NRXN1: variants seen among roughly 807,000 people sequenced by gnomAD.
The protein encoded by NRXN1 is neurexin-1.
A neutral mutation model predicts 150.9 loss-of-function variants in NRXN1; 39 were observed. The observed-to-expected ratio is 0.26, with a 90% CI of 0.20 to 0.34. The LOEUF (loss-of-function observed/expected upper bound fraction) is 0.34, where lower values mean the gene tolerates loss of function less well. NRXN1 is among the 10% of genes least tolerant of loss of function. The pLI is 1.00. For synonymous variants in NRXN1, 924 were observed against 757.0 expected (o/e 1.22, Z -3.62); for missense variants, 1,815 against 1,949.9 (o/e 0.93, Z 1.30).
At chr2:50,244,105 G>T (rs746238662) in intron 17 of NRXN1, among the ~76,000 whole-genome samples, 21 of 151,628 alleles carry the variant, frequency 1.4e-4, no homozygotes, top group Non-Finnish European at 2.8e-4. Context: ...TAATAAAATT[G>T]CTATATCTTA....
intron 18 of NRXN1, among the ~76,000 whole-genome samples, chr2:50,198,927 T>C (rs1343816329): frequency 6.6e-6 from 1 of 152,098 alleles, no homozygotes; most frequent in Non-Finnish European, 1.5e-5. Flanking sequence ...TCCCCAGAGC[T>C]ACAAAGGTGT....
intron 17 of NRXN1, among the ~76,000 whole-genome samples, chr2:50,462,214 T>C (rs902030769): frequency 6.6e-6 from 1 of 151,868 alleles, no homozygotes; most frequent in Non-Finnish European, 1.5e-5. Flanking sequence ...CAGAGAAGAA[T>C]GTTATTCCTA....
intron 8 of NRXN1, among the ~76,000 whole-genome samples, chr2:50,596,224 AC>A (rs1675174935): frequency 6.6e-6 from 1 of 152,174 alleles, no homozygotes; most frequent in Non-Finnish European, 1.5e-5. Flanking sequence ...ATAACCTCTT[AC>A]AATCTGAGTT....
At chr2:50,890,752 T>C (rs1427520161) in intron 5 of NRXN1, among the ~76,000 whole-genome samples, 1 of 151,914 alleles carries the variant, frequency 6.6e-6, no homozygotes, top group Non-Finnish European at 1.5e-5. Flanking sequence ...ACTGAAAAAT[T>C]CATTTAATTA....
intron 17 of NRXN1, among the ~76,000 whole-genome samples, chr2:50,278,241 A>ATT (rs1357337957): frequency 0.39 from 47,684 of 122,264 alleles, 10,237 homozygotes; most frequent in Middle Eastern, 0.47. Flanking sequence ...ATATATATAT[A>ATT]ATATATATAT....
At chr2:50,828,262 G>A (rs1234468689) in intron 5 of NRXN1, among the ~76,000 whole-genome samples, 7 of 147,444 alleles carry the variant, frequency 4.7e-5, no homozygotes, top group South Asian at 2.2e-4. Flanking sequence ...GCGGCTGGCC[G>A]GGCGGGGGGC....
At chr2:50,882,608 C>T (rs764040763) in intron 5 of NRXN1, among the ~76,000 whole-genome samples, 5 of 151,710 alleles carry the variant, frequency 3.3e-5, no homozygotes, top group African/African-American at 2.4e-5. Flanking sequence ...AAAAATTGAG[C>T]GCCAAGTTAA....
At chr2:50,873,139 G>A (rs1345992266) in intron 5 of NRXN1, among the ~76,000 whole-genome samples, 2 of 151,838 alleles carry the variant, frequency 1.3e-5, no homozygotes, top group Admixed American at 1.3e-4. Context: ...TAACCTATCT[G>A]TGCCTCAGTT....
rs753356217 is a variant in NRXN1, at chr2:50,084,482, G to GGGCC, written c.3718+6837_3718+6840dup. Among the ~76,000 whole-genome samples, 300 of 152,322 alleles carry GGGCC rather than the reference G, an allele frequency of 2.0e-3. 3 individuals are homozygous for GGGCC. The highest frequency in any genetic ancestry group is 3.0e-3 in the Non-Finnish European group (204 of 68,020). ...AAGCCCATCACTGCCGGGGCCCACA[G>GGGCC]GGCCGGCCGGCCGCTGCAAGTGCAG... On this transcript the variant is annotated intron_variant, in intron 19 of 22. Coordinates refer to ENST00000401669, the MANE Select transcript of NRXN1 (RefSeq NM_001330078.2).
rs528930610 is a variant in NRXN1 at position 50,003,655 on chromosome 2, A to G, written c.4128+49616T>C. On this transcript the variant is annotated intron_variant, in intron 21 of 22. Coordinates refer to ENST00000401669, the MANE Select transcript of NRXN1 (RefSeq NM_001330078.2). ...GCCTTTTTGCTTCACATGTTTAACT[A>G]AAGTCGGTTATAAATTTTAAAATTA... Among the ~76,000 whole-genome samples, 13 of 152,298 alleles carry G rather than the reference A, an allele frequency of 8.5e-5. No individual in the cohort carries two copies. In the South Asian group the frequency reaches 1.2e-3, roughly 15 times the overall value.
chr2:51,000,816 T>C (rs892691161), intron 2 of NRXN1, among the ~76,000 whole-genome samples: 9 of 151,976 alleles, frequency 5.9e-5, no homozygotes, highest in Non-Finnish European at 1.3e-4. Flanking sequence ...CAATAAAAAT[T>C]AAAACCTATA....
In NRXN1 at chr2:50,616,475, G is replaced by A. The variant is rs576178382; in HGVS notation, c.1320+3547C>T. On this transcript the variant is annotated intron_variant, in intron 8 of 22. Transcript: ENST00000401669. ...ATTATAGGTTGTTTCAATATGTTGA[G>A]TGATTTCCTTTTTTTTCTTTAATCT... The A allele has an allele frequency of 4.6e-5, 7 of 152,278 alleles. No individual in the cohort carries two copies. In the South Asian group the frequency reaches 1.5e-3, roughly 32 times the overall value. The allele number at this position is 152,278 out of a possible 1,614,324, so 9.4% of individuals were successfully genotyped here.
intron 18 of NRXN1, among the ~76,000 whole-genome samples, chr2:50,184,159 C>A (rs1017750695): frequency 3.9e-5 from 6 of 152,060 alleles, no homozygotes; most frequent in African/African-American, 1.4e-4. Flanking sequence ...AAACAAAAAA[C>A]TTGAATATTG....
intron 17 of NRXN1, among the ~76,000 whole-genome samples, chr2:50,328,333 G>C (rs1482657819): frequency 2.6e-5 from 4 of 152,134 alleles, no homozygotes; most frequent in Admixed American, 2.6e-4. Context: ...CCCCTGTATA[G>C]CATGAGTAAA....
chr2:51,015,179 G>C (rs1668474893), intron 2 of NRXN1, among the ~76,000 whole-genome samples: 1 of 151,772 alleles, frequency 6.6e-6, no homozygotes, highest in Non-Finnish European at 1.5e-5. Flanking sequence ...GTGTCTGTCT[G>C]TCTCTCTCTC....
At chr2:50,864,211 T>A (rs373054596) in intron 5 of NRXN1, among the ~76,000 whole-genome samples, 1 of 151,952 alleles carries the variant, frequency 6.6e-6, no homozygotes, top group Admixed American at 6.6e-5. Flanking sequence ...AAGAAATCTT[T>A]CCCAAAACAT....
chr2:50,083,673 G>T (rs766402780), intron 19 of NRXN1, among the ~76,000 whole-genome samples: 3 of 152,134 alleles, frequency 2.0e-5, no homozygotes, highest in Admixed American at 1.3e-4. Context: ...CTGCTGATCG[G>T]TCCATTTTAC....
intron 12 of NRXN1, among the ~76,000 whole-genome samples, chr2:50,519,692 AC>A (rs1027756660): frequency 6.6e-6 from 1 of 151,928 alleles, no homozygotes; most frequent in African/African-American, 2.4e-5. Flanking sequence ...GATAACTTAT[AC>A]TAACACATCT....
chr2:50,934,146 A>G (rs1395642508), intron 2 of NRXN1, among the ~76,000 whole-genome samples: 2 of 152,204 alleles, frequency 1.3e-5, no homozygotes, highest in African/African-American at 4.8e-5. Context: ...TCTCTAACAC[A>G]TATGTGTATA....
Sources: gnomAD v4.1 joint callset for allele counts (sites outside exome capture counted in the v4.1 genomes callset) on GRCh38, gnomAD v4.1.1 for gene constraint, MANE v1.5 for transcripts, NCBI Gene and HGNC (gene_info 2026-07-23, HGNC 2026-07-21) for gene names.